Variants in UTRN observed in about 807,000 individuals in gnomAD.
The protein encoded by UTRN is dystrophin-related protein 1.
Under a neutral mutation model 463.9 loss-of-function variants are expected in UTRN, and 283 were observed. The ratio of observed to expected loss-of-function variants is 0.61; its 90% CI spans 0.55 to 0.67. The LOEUF is 0.67. Ranked by LOEUF, UTRN falls within the 30% of genes least tolerant of loss-of-function variation. The pLI is 0.00. For synonymous variants in UTRN, 1,442 were observed against 1,431.5 expected (o/e 1.01, Z -0.17); for missense variants, 3,922 against 4,084.3 (o/e 0.96, Z 1.08).
rs148893944 is a variant in UTRN, at chr6:144,397,031, G to A, written c.80-6092G>A. 4.4e-3 allele frequency among the ~76,000 whole-genome samples: 664 copies of A among 152,196 alleles called. 4 individuals carry two copies. Among genetic ancestry groups the A allele is most frequent in the African/African-American group, 0.015 (603 of 41,524 alleles). On this transcript the variant is annotated intron_variant, in intron 2 of 74. Transcript: ENST00000367545. ...GAGGCCAAGGTGGGTGGATCACGAG[G>A]TCAGGAGTTCGAGACAAGCCTGGCC...
chr6:144,647,500 G>A (rs1778411886), intron 51 of UTRN, among the ~76,000 whole-genome samples: 1 of 152,198 alleles, frequency 6.6e-6, no homozygotes, highest in Admixed American at 6.5e-5. Context: ...TAAACTGTTT[G>A]TTAAACCAGA....
intron 51 of UTRN, among the ~76,000 whole-genome samples, chr6:144,618,334 T>G (rs1018368426): frequency 6.6e-6 from 1 of 152,214 alleles, no homozygotes; most frequent in Non-Finnish European, 1.5e-5. Flanking sequence ...TTACTTTTTA[T>G]TGATGATACT....
chr6:144,745,096 TGA>T (rs1197704640), intron 54 of UTRN, among the ~76,000 whole-genome samples: 1 of 152,176 alleles, frequency 6.6e-6, no homozygotes, highest in East Asian at 1.9e-4. Flanking sequence ...TCCCTCACTG[TGA>T]GGGTCGTTTC....
chr6:144,365,229 A>C (rs1023862579), intron 2 of UTRN, among the ~76,000 whole-genome samples: 1 of 152,222 alleles, frequency 6.6e-6, no homozygotes, highest in Non-Finnish European at 1.5e-5. Flanking sequence ...AATAAATTTC[A>C]TGCCTTTCTT....
At chr6:144,327,696 C>A (rs2502636) in intron 2 of UTRN, among the ~76,000 whole-genome samples, 37,307 of 151,974 alleles carry the variant, frequency 0.25, 5,373 homozygotes, top group South Asian at 0.37. Flanking sequence ...GTAATCCCAG[C>A]GCTTTGGGAG....
intron 2 of UTRN, among the ~76,000 whole-genome samples, chr6:144,321,844 C>T (rs1185654648): frequency 6.6e-6 from 1 of 150,866 alleles, no homozygotes; most frequent in Non-Finnish European, 1.5e-5. Context: ...CCACTCATTG[C>T]AACCTCCGCC....
intron 34 of UTRN, among the ~76,000 whole-genome samples, chr6:144,502,283 A>T (rs1794266236): frequency 6.6e-6 from 1 of 151,068 alleles, no homozygotes; most frequent in East Asian, 1.9e-4. Context: ...GTTATACTTT[A>T]AGTTATGGGA....
chr6:144,701,717 C>G (rs145342678), intron 53 of UTRN, among the ~76,000 whole-genome samples: 1 of 152,072 alleles, frequency 6.6e-6, no homozygotes, highest in Non-Finnish European at 1.5e-5. Context: ...ATGACAAACA[C>G]GAATGCACAC....
chr6:144,818,608 A>G (rs1374577048), intron 65 of UTRN, among the ~76,000 whole-genome samples: 1 of 152,240 alleles, frequency 6.6e-6, no homozygotes, highest in Non-Finnish European at 1.5e-5. Context: ...CTCTATATTA[A>G]CAGTGTACTA....
intron 51 of UTRN, among the ~76,000 whole-genome samples, chr6:144,603,645 T>C (rs1429003065): frequency 6.6e-6 from 1 of 152,160 alleles, no homozygotes; most frequent in Non-Finnish European, 1.5e-5. Flanking sequence ...AGTAATGAGG[T>C]ATATTTTTCC....
chr6:144,342,142 C>T (rs1777182397), intron 2 of UTRN, among the ~76,000 whole-genome samples: 1 of 152,164 alleles, frequency 6.6e-6, no homozygotes, highest in African/African-American at 2.4e-5. Flanking sequence ...TGAAATGTCA[C>T]TTCATACCCA....
intron 25 of UTRN, among the ~76,000 whole-genome samples, chr6:144,477,126 A>G (rs1791298039): frequency 6.6e-6 from 1 of 152,130 alleles, no homozygotes; most frequent in Admixed American, 6.6e-5. Flanking sequence ...TCTCCGTGGT[A>G]ATGGAAGGGA....
At chr6:144,631,018 G>A (rs993023957) in intron 51 of UTRN, among the ~76,000 whole-genome samples, 4 of 152,022 alleles carry the variant, frequency 2.6e-5, no homozygotes, top group Non-Finnish European at 4.4e-5. Context: ...TGGTATTAGC[G>A]GTCATGTCCC....
At chr6:144,294,286 A>C (rs1804498155) in intron 2 of UTRN, among the ~76,000 whole-genome samples, 1 of 152,190 alleles carries the variant, frequency 6.6e-6, no homozygotes, top group South Asian at 2.1e-4. Context: ...TGCAAAAGCC[A>C]GTAGATAAAT....
intron 3 of UTRN, among the ~76,000 whole-genome samples, chr6:144,413,865 A>G (rs1784129489): frequency 6.6e-6 from 1 of 152,086 alleles, no homozygotes; most frequent in Non-Finnish European, 1.5e-5. Flanking sequence ...GTGCAGAGAT[A>G]CAATTATGGC....
Position 144,447,640 on chromosome 6 carries a change from G to C in UTRN, c.1761G>C (p.Leu587Phe). Residue 587 changes from leucine (L) to phenylalanine (F), a missense_variant, in exon 16 of 75, where the codon TTG becomes TTC. Leu to Phe is a conservative substitution (Grantham distance 22). Transcript: ENST00000367545. ...ACATGGAAATGAAGCGTCAAACATTGGATCAGCTGAGTGAGATTGGCCAGG... is the reference window on the plus strand; with the variant it reads ...ACATGGAAATGAAGCGTCAAACATTCGATCAGCTGAGTGAGATTGGCCAGG... ...KEDMEMKRQT[L>F]DQLSEIGQDV... 1 of 1,613,768 alleles carries C rather than the reference G, an allele frequency of 6.2e-7. No individual in the cohort carries two copies. Among genetic ancestry groups the C allele is most frequent in the Non-Finnish European group, 8.5e-7 (1 of 1,179,880 alleles).
At chr6:144,588,022 C>G (rs1802636736) in intron 51 of UTRN, among the ~76,000 whole-genome samples, 1 of 152,136 alleles carries the variant, frequency 6.6e-6, no homozygotes, top group Non-Finnish European at 1.5e-5. Context: ...ATCTAACCCT[C>G]TCTATGGATG....
intron 64 of UTRN, 63 bp downstream of exon 64, chr6:144,798,053 G>A (rs1206346933): frequency 8.7e-6 from 14 of 1,603,808 alleles, no homozygotes; most frequent in Admixed American, 5.2e-5. Flanking sequence ...TCAGTGGTAC[G>A]TCCATCCTCC....
At chr6:144,487,343 G>A (rs1394996923) in intron 28 of UTRN, among the ~76,000 whole-genome samples, 1 of 151,998 alleles carries the variant, frequency 6.6e-6, no homozygotes. Flanking sequence ...TATATCACTT[G>A]TGCTAATTTC....
Sources: allele counts gnomAD v4.1 joint callset (sites outside exome capture counted in the v4.1 genomes callset), GRCh38; gene constraint gnomAD v4.1.1; transcripts MANE v1.5; gene names NCBI Gene and HGNC (gene_info 2026-07-23, HGNC 2026-07-21).